The following WFDC8 variants were observed in gnomAD, a reference collection of about 807,000 sequenced individuals.
WFDC8 encodes the protein WAP four-disulfide core domain protein 8.
WFDC8 carries 24 observed loss-of-function variants against 27.0 expected under a neutral mutation model. The observed-to-expected ratio is 0.89, with a 90% CI of 0.64 to 1.25. The LOEUF is 1.25. WFDC8 is among the 50% of genes most tolerant of loss of function. The pLI, the probability that WFDC8 is intolerant of heterozygous loss-of-function variation, is 0.00. For synonymous variants in WFDC8, 106 were observed against 99.7 expected (o/e 1.06, Z -0.38); for missense variants, 287 against 295.9 (o/e 0.97, Z 0.22).
At chr20:45,552,264 G>C in intron 5 of WFDC8, 99 bp from the exon 6 acceptor site, 3 of 1,430,716 alleles carry the variant, frequency 2.1e-6, no homozygotes, top group Middle Eastern at 1.8e-4. Context: ...GTTTTATTCT[G>C]ATTAAGCTTC....
At chr20:45,552,298 A>C in intron 5 of WFDC8, 133 bp from the exon 6 acceptor site, 1 of 1,066,176 alleles carries the variant, frequency 9.4e-7, no homozygotes. Context: ...TACAGTAACA[A>C]TAGACTGGAG....
At chr20:45,567,028 T>G (rs1295334731) in intron 1 of WFDC8, among the ~76,000 whole-genome samples, 1 of 152,248 alleles carries the variant, frequency 6.6e-6, no homozygotes, top group Non-Finnish European at 1.5e-5. Flanking sequence ...TTATTTGTAT[T>G]ATTTTTATTG....
chr20:45,566,275 T>C (rs4812916), intron 1 of WFDC8, among the ~76,000 whole-genome samples: 81,386 of 151,856 alleles, frequency 0.54, 22,108 homozygotes, highest in African/African-American at 0.59. Flanking sequence ...ATTGAAGGAG[T>C]GTTTAATCAA....
intron 1 of WFDC8, among the ~76,000 whole-genome samples, chr20:45,564,806 C>T (rs1300543284): frequency 6.6e-6 from 1 of 151,244 alleles, no homozygotes; most frequent in Non-Finnish European, 1.5e-5. Flanking sequence ...CATGCCCCTG[C>T]ACTTCAGCCT....
At chr20:45,565,540 C>A (rs1233860648) in intron 1 of WFDC8, among the ~76,000 whole-genome samples, 2 of 152,102 alleles carry the variant, frequency 1.3e-5, no homozygotes, top group Non-Finnish European at 2.9e-5. Flanking sequence ...AAGCATACTT[C>A]TTACATATCT....
Position 45,579,220 on chromosome 20 carries a change from A to T in WFDC8, c.26+2T>A. ...ACCCACCCCCATAGACACCCTCCTC[A>T]CCCTCCTTCAGTTCGGACAGTCCAC... On this transcript the variant is annotated splice_donor_variant, in intron 1 of 5. Coordinates refer to ENST00000289953, the MANE Select transcript of WFDC8 (RefSeq NM_130896.3). LOFTEE classifies it high-confidence loss of function. The T allele has an allele frequency of 6.2e-7, 1 of 1,612,142 alleles. No individual in the cohort carries two copies. The highest frequency in any genetic ancestry group is 8.5e-7 in the Non-Finnish European group (1 of 1,179,416).
intron 1 of WFDC8, among the ~76,000 whole-genome samples, chr20:45,577,462 G>A (rs1290104918): frequency 2.0e-5 from 3 of 149,806 alleles, no homozygotes; most frequent in African/African-American, 7.3e-5. Flanking sequence ...ACAGTAGTGC[G>A]ATCTCGGCTC....
chr20:45,555,632 C>T, intron 4 of WFDC8, 69 bp downstream of exon 4: 2 of 1,567,058 alleles, frequency 1.3e-6, no homozygotes, highest in Non-Finnish European at 1.8e-6. Context: ...AAATCCTGAG[C>T]CTATAACCTC....
At chr20:45,552,971 C>T (rs1980095054) in intron 5 of WFDC8, among the ~76,000 whole-genome samples, 165 bp downstream of exon 5, 2 of 152,142 alleles carry the variant, frequency 1.3e-5, no homozygotes, top group Non-Finnish European at 2.9e-5. Context: ...CTTCAGAGGT[C>T]AAGAGGTCAA....
At chr20:45,579,046 A>T (rs1981143366) in intron 1 of WFDC8, among the ~76,000 whole-genome samples, 176 bp downstream of exon 1, 1 of 151,974 alleles carries the variant, frequency 6.6e-6, no homozygotes, top group Non-Finnish European at 1.5e-5. Flanking sequence ...TGCCCTCTTC[A>T]CCCTGCTTAG....
Position 45,575,106 on chromosome 20 carries a change from G to A in WFDC8, c.26+4116C>T, listed in dbSNP as rs189918003. 1.1e-4 allele frequency among the ~76,000 whole-genome samples: 17 copies of A among 152,286 alleles called. No individual in the cohort carries two copies. The East Asian group carries it at 3.1e-3, about 28-fold the overall frequency. On this transcript the variant is annotated intron_variant, in intron 1 of 5. Transcript: ENST00000289953. ...AAGTTGAGTTTTTTCTCTGAGATCA[G>A]GAACAAGACGAGAATGCCAATTTCT...
At chr20:45,569,320 T>C (rs903166020) in intron 1 of WFDC8, among the ~76,000 whole-genome samples, 1 of 152,232 alleles carries the variant, frequency 6.6e-6, no homozygotes, top group African/African-American at 2.4e-5. Flanking sequence ...TACTTAAAAC[T>C]TTTTGTCCCT....
At chr20:45,558,722 A>C in intron 3 of WFDC8, 130 bp downstream of exon 3, 1 of 1,101,288 alleles carries the variant, frequency 9.1e-7, no homozygotes, top group Non-Finnish European at 1.3e-6. Flanking sequence ...CTTGAGGGTT[A>C]GGCATTGAAT....
intron 1 of WFDC8, among the ~76,000 whole-genome samples, chr20:45,562,772 C>A (rs1277161898): frequency 6.6e-6 from 1 of 152,166 alleles, no homozygotes; most frequent in Non-Finnish European, 1.5e-5. Flanking sequence ...TTATGATACT[C>A]CCAGACAACC....
At chr20:45,553,840 A>G (rs1229073013) in intron 4 of WFDC8, among the ~76,000 whole-genome samples, 1 of 152,208 alleles carries the variant, frequency 6.6e-6, no homozygotes, top group African/African-American at 2.4e-5. Context: ...TCAAGGTAGA[A>G]CTAAAATTAT....
chr20:45,558,885 CA>C lies in WFDC8; in HGVS notation c.243del (p.Phe81LeufsTer19). On this transcript the variant is annotated frameshift_variant, in exon 3 of 6. Coordinates refer to ENST00000289953, the MANE Select transcript of WFDC8 (RefSeq NM_130896.3). LOFTEE classifies it high-confidence loss of function. ...GGATCCATGCACTTCTTCTGACAGG[CA>C]AAAAAGCAGCACTTCTGGTATTCCT... is the stretch of plus-strand genomic sequence containing the variant. Reference protein sequence around the residue: ...DCKEYQKCCFFACQKKCMDPF... With the variant: ...DCKEYQKCCFXACQKKCMDPF... The C allele has an allele frequency of 1.2e-6, 2 of 1,614,070 alleles. No individual in the cohort carries two copies. The highest frequency in any genetic ancestry group is 2.2e-5 in the East Asian group (1 of 44,878).
chr20:45,574,570 A>T (rs1335584295), intron 1 of WFDC8, among the ~76,000 whole-genome samples: 1 of 152,188 alleles, frequency 6.6e-6, no homozygotes, highest in Non-Finnish European at 1.5e-5. Flanking sequence ...CAAGGAGGGC[A>T]GATCACTTAA....
At chr20:45,561,050 G>A (rs903022448) in intron 2 of WFDC8, among the ~76,000 whole-genome samples, 1 of 152,172 alleles carries the variant, frequency 6.6e-6, no homozygotes, top group African/African-American at 2.4e-5. Context: ...AACTGGGTTT[G>A]AGTTGTTGTA....
At chr20:45,551,166 A>G (rs908811338), downstream of WFDC8, 5 of 152,232 alleles carry the variant, frequency 3.3e-5, no homozygotes. Context: ...GCAGTCTGCA[A>G]TTAAGTTTAT....
Sources: gnomAD v4.1 joint callset for allele counts (sites outside exome capture counted in the v4.1 genomes callset) on GRCh38, gnomAD v4.1.1 for gene constraint, MANE v1.5 for transcripts, NCBI Gene and HGNC (gene_info 2026-07-23, HGNC 2026-07-21) for gene names.